Variants in EYS observed in about 807,000 individuals in gnomAD.
The protein encoded by EYS is EGF-like photoreceptor maintenance factor, also known as protein eyes shut homolog.
Under a neutral mutation model 282.1 loss-of-function variants are expected in EYS, and 250 were observed. The ratio of observed to expected loss-of-function variants is 0.89; its 90% CI spans 0.80 to 0.98. The LOEUF is 0.98. Ranked by LOEUF, EYS falls within the 50% of genes least tolerant of loss-of-function variation. The pLI is 0.00. For missense variants in EYS, 4,016 were observed against 3,709.0 expected (o/e 1.08, Z -2.15); for synonymous variants, 1,355 against 1,282.9 (o/e 1.06, Z -1.20).
intron 28 of EYS, among the ~76,000 whole-genome samples, chr6:64,397,569 T>C (rs1773419743): frequency 1.3e-5 from 2 of 152,046 alleles, no homozygotes; most frequent in Non-Finnish European, 2.9e-5. Flanking sequence ...TTGGCAAAAA[T>C]GTTTCATAAT....
intron 19 of EYS, among the ~76,000 whole-genome samples, chr6:64,880,578 A>T (rs1409523832): frequency 6.6e-6 from 1 of 151,388 alleles, no homozygotes; most frequent in African/African-American, 2.4e-5. Context: ...CCCAAACCTA[A>T]TCAACTTTTT....
At chr6:65,665,501 A>G (rs1020026506) in intron 1 of EYS, among the ~76,000 whole-genome samples, 2 of 152,174 alleles carry the variant, frequency 1.3e-5, no homozygotes, top group African/African-American at 2.4e-5. Context: ...TTTTATGAGA[A>G]TTACAGCAGA....
At chr6:64,570,627 G>T (rs189451331) in intron 26 of EYS, among the ~76,000 whole-genome samples, 6 of 152,186 alleles carry the variant, frequency 3.9e-5, no homozygotes, top group Admixed American at 3.9e-4. Flanking sequence ...AGCAGGGATT[G>T]CAATCCTAAT....
chr6:64,936,545 A>G (rs1031064309), intron 15 of EYS, among the ~76,000 whole-genome samples: 2 of 151,556 alleles, frequency 1.3e-5, no homozygotes, highest in Non-Finnish European at 3.0e-5. Context: ...GAATCGACCA[A>G]AAATTATTAT....
chr6:65,622,306 T>C (rs906184552), intron 2 of EYS, among the ~76,000 whole-genome samples: 16 of 152,208 alleles, frequency 1.1e-4, no homozygotes, highest in African/African-American at 3.9e-4. Context: ...TTGCTCTGTA[T>C]CAGGTTAGCC....
At chr6:63,913,095 C>CT (rs971261594) in intron 35 of EYS, among the ~76,000 whole-genome samples, 1 of 152,158 alleles carries the variant, frequency 6.6e-6, no homozygotes, top group Non-Finnish European at 1.5e-5. Flanking sequence ...TGCCAGATAG[C>CT]TTTTTCTCAG....
chr6:64,989,824 A>T (rs540972262), intron 14 of EYS, among the ~76,000 whole-genome samples: 4 of 148,186 alleles, frequency 2.7e-5, no homozygotes, highest in Admixed American at 6.8e-5. Flanking sequence ...ACACACACAC[A>T]CACACACACT....
At chr6:65,159,881 G>T (rs903667757) in intron 12 of EYS, among the ~76,000 whole-genome samples, 1 of 150,946 alleles carries the variant, frequency 6.6e-6, no homozygotes, top group African/African-American at 2.4e-5. Context: ...AGAGAAGAGA[G>T]GGATGTAAGT....
intron 22 of EYS, among the ~76,000 whole-genome samples, chr6:64,649,173 T>G (rs569981515): frequency 2.6e-5 from 4 of 152,144 alleles, no homozygotes; most frequent in Non-Finnish European, 4.4e-5. Context: ...ATAACAAAAT[T>G]TAATGAAAAA....
At chr6:65,688,624 T>C (rs1769119348) in intron 1 of EYS, among the ~76,000 whole-genome samples, 1 of 151,700 alleles carries the variant, frequency 6.6e-6, no homozygotes, top group South Asian at 2.1e-4. Flanking sequence ...AAACTACTCA[T>C]CTGAAAAAGG....
At chr6:64,706,018 C>CAA (rs34675387) in intron 22 of EYS, among the ~76,000 whole-genome samples, 4 of 146,656 alleles carry the variant, frequency 2.7e-5, no homozygotes, top group East Asian at 2.0e-4. Context: ...AAAAATTATT[C>CAA]AAAAAAAAAA....
chr6:63,951,235 C>T (rs775601107), intron 35 of EYS, among the ~76,000 whole-genome samples: 4 of 152,158 alleles, frequency 2.6e-5, no homozygotes, highest in Non-Finnish European at 5.9e-5. Context: ...AACCTAAATG[C>T]CTTACTTTCT....
At chr6:64,212,172 G>A (rs1765800746) in intron 31 of EYS, among the ~76,000 whole-genome samples, 1 of 151,788 alleles carries the variant, frequency 6.6e-6, no homozygotes, top group Admixed American at 6.6e-5. Flanking sequence ...GTAAAATATT[G>A]AGTTAAATTG....
chr6:65,521,082 A>G (rs1306304913), intron 2 of EYS, among the ~76,000 whole-genome samples: 1 of 152,160 alleles, frequency 6.6e-6, no homozygotes, highest in Non-Finnish European at 1.5e-5. Context: ...GTTTATATGG[A>G]TGCATTTGCT....
intron 16 of EYS, among the ~76,000 whole-genome samples, chr6:64,905,510 G>A (rs533126309): frequency 2.2e-4 from 33 of 152,144 alleles, no homozygotes; most frequent in African/African-American, 7.0e-4. Context: ...ACACTGTCTC[G>A]TCTGTGTATG....
intron 29 of EYS, among the ~76,000 whole-genome samples, chr6:64,380,667 A>G (rs576565145): frequency 2.6e-5 from 4 of 152,324 alleles, no homozygotes; most frequent in Admixed American, 6.5e-5. Flanking sequence ...GGTAAAATTA[A>G]ATTGCTATAC....
Position 64,590,674 on chromosome 6 carries a change from A to T in EYS, c.5193T>A (p.Ser1731=), listed in dbSNP as rs1766376841. The T allele has an allele frequency of 6.4e-7, 1 of 1,551,192 alleles. No homozygotes were observed. Among genetic ancestry groups the T allele is most frequent in the Non-Finnish European group, 8.7e-7 (1 of 1,146,740 alleles). ...TTGGGTGAAGTTTGAACAGTGTATGAGATCCTTTACTTTTTTCCATGTCCA... is the reference window on the plus strand; with the variant it reads ...TTGGGTGAAGTTTGAACAGTGTATGTGATCCTTTACTTTTTTCCATGTCCA... ...SLLDMEKSKG[S]HTLFKLHPSD... Residue 1731 remains serine (S), a synonymous_variant, in exon 26 of 43, where the codon TCT becomes TCA. Transcript: ENST00000503581.
chr6:63,958,021 C>T lies in EYS; in HGVS notation c.7055+26362G>A, dbSNP rs558627920. On this transcript the variant is annotated intron_variant, in intron 35 of 42. Transcript: ENST00000503581. ...ATATTTATCCTCTTTCTTGTTTCTCCTTAATTCAAGAACAAGAATTTTCAA... is the reference window on the plus strand; with the variant it reads ...ATATTTATCCTCTTTCTTGTTTCTCTTTAATTCAAGAACAAGAATTTTCAA... Among the ~76,000 whole-genome samples the T allele has an allele frequency of 9.5e-4, 134 of 140,508 alleles. 3 individuals carry two copies. The highest frequency in any genetic ancestry group is 3.2e-3 in the African/African-American group (130 of 41,032). The allele number at this position is 140,508 out of a possible 152,430, so 92.2% of individuals were successfully genotyped here.
At chr6:64,940,547 G>A (rs1434515783) in intron 15 of EYS, among the ~76,000 whole-genome samples, 1 of 151,902 alleles carries the variant, frequency 6.6e-6, no homozygotes, top group Non-Finnish European at 1.5e-5. Flanking sequence ...ATATACAGGT[G>A]GAAAGGTTAT....
Sources: gnomAD v4.1 joint callset for allele counts (sites outside exome capture counted in the v4.1 genomes callset) on GRCh38, gnomAD v4.1.1 for gene constraint, MANE v1.5 for transcripts, NCBI Gene and HGNC (gene_info 2026-07-23, HGNC 2026-07-21) for gene names.